Variants in QRICH1 observed in about 807,000 individuals in gnomAD.
QRICH1 encodes the protein transcriptional regulator QRICH1.
In QRICH1, 16 loss-of-function variants were observed where a neutral mutation model predicts 87.1. The observed-to-expected ratio is 0.18, with a 90% CI of 0.12 to 0.28. QRICH1 has a LOEUF of 0.28. QRICH1 is among the 10% of genes least tolerant of loss of function. The pLI, the probability that QRICH1 is intolerant of heterozygous loss-of-function variation, is 1.00. For synonymous variants in QRICH1, 367 were observed against 368.4 expected (o/e 1.00, Z 0.05); for missense variants, 647 against 951.7 (o/e 0.68, Z 4.21).
chr3:49,032,968 C>T, intron 7 of QRICH1, 152 bp downstream of exon 7: 1 of 912,698 alleles, frequency 1.1e-6, no homozygotes, highest in Non-Finnish European at 1.6e-6. Context: ...GTTTGCCTCA[C>T]TGGTTACCAA....
chr3:49,045,265 T>C (rs1241480754), intron 5 of QRICH1, among the ~76,000 whole-genome samples: 2 of 144,912 alleles, frequency 1.4e-5, no homozygotes, highest in Non-Finnish European at 3.0e-5. Context: ...TTGAATAAAT[T>C]ACCTTCATGA....
chr3:49,061,784 G>A (rs2093436517), intron 2 of QRICH1, among the ~76,000 whole-genome samples: 1 of 152,086 alleles, frequency 6.6e-6, no homozygotes, highest in Non-Finnish European at 1.5e-5. Context: ...CCAGGAGGTG[G>A]GGGTTGCAGT....
At chr3:49,091,385 A>G (rs2042272048) in intron 1 of QRICH1, among the ~76,000 whole-genome samples, 1 of 152,080 alleles carries the variant, frequency 6.6e-6, no homozygotes, top group Admixed American at 6.6e-5. Flanking sequence ...AACTAATTAA[A>G]CTAAAAGAAA....
intron 1 of QRICH1, among the ~76,000 whole-genome samples, chr3:49,089,975 C>A (rs983213924): frequency 4.6e-5 from 7 of 152,148 alleles, no homozygotes; most frequent in Admixed American, 3.9e-4. Flanking sequence ...GTACAGAGAT[C>A]GCCTAAATTT....
chr3:49,075,590 C>T (rs1277805941), intron 2 of QRICH1, among the ~76,000 whole-genome samples: 1 of 152,004 alleles, frequency 6.6e-6, no homozygotes, highest in Non-Finnish European at 1.5e-5. Context: ...GAGATGGCTC[C>T]ATTGCATTCT....
chr3:49,059,948 G>A (rs1235845518), intron 2 of QRICH1, among the ~76,000 whole-genome samples: 7 of 150,374 alleles, frequency 4.7e-5, no homozygotes, highest in Non-Finnish European at 1.0e-4. Context: ...GCAGTGGTGC[G>A]ATCTCGGCTC....
chr3:49,075,986 G>A (rs1015293357), intron 2 of QRICH1, among the ~76,000 whole-genome samples: 1 of 152,104 alleles, frequency 6.6e-6, no homozygotes, highest in Non-Finnish European at 1.5e-5. Context: ...GCTCATGCCT[G>A]TAATCCCAGC....
chr3:49,043,651 A>C (rs1391201186), intron 6 of QRICH1, among the ~76,000 whole-genome samples: 3 of 152,104 alleles, frequency 2.0e-5, no homozygotes, highest in African/African-American at 7.2e-5. Flanking sequence ...ATGTGGCAAA[A>C]GCCTGTCTCT....
chr3:49,055,641 G>C (rs1023871848), intron 3 of QRICH1, among the ~76,000 whole-genome samples: 2 of 152,096 alleles, frequency 1.3e-5, no homozygotes, highest in African/African-American at 4.8e-5. Context: ...GGGATTACAG[G>C]CAACTGCCAC....
intron 3 of QRICH1, among the ~76,000 whole-genome samples, chr3:49,048,132 T>C (rs2093349173): frequency 5.6e-5 from 1 of 18,014 alleles, no homozygotes. Flanking sequence ...CTTTCTTTCT[T>C]TTTTTTTTTT....
chr3:49,032,383 C>T (rs569878390), intron 8 of QRICH1, 110 bp from the exon 9 acceptor site: 7 of 479,462 alleles, frequency 1.5e-5, no homozygotes, highest in South Asian at 3.6e-5. Context: ...AATACAGGGT[C>T]GGGGGAGGGA....
intron 6 of QRICH1, among the ~76,000 whole-genome samples, chr3:49,039,075 G>A (rs1205975335): frequency 1.3e-5 from 2 of 151,464 alleles, no homozygotes; most frequent in Admixed American, 6.6e-5. Flanking sequence ...GACATAACCG[G>A]GCCAGGCGCA....
intron 1 of QRICH1, among the ~76,000 whole-genome samples, chr3:49,080,114 C>T (rs970016658): frequency 1.3e-5 from 2 of 152,076 alleles, no homozygotes; most frequent in Non-Finnish European, 1.5e-5. Flanking sequence ...CACATATACC[C>T]TTCTGCTCAA....
chr3:49,079,409 AAAAT>A (rs2042014206), intron 1 of QRICH1, among the ~76,000 whole-genome samples: 1 of 148,914 alleles, frequency 6.7e-6, no homozygotes, highest in South Asian at 2.1e-4. Context: ...TAAATAAAAT[AAAAT>A]AAATAATTAT....
chr3:49,070,992 C>A (rs2093497161), intron 2 of QRICH1, among the ~76,000 whole-genome samples: 1 of 151,994 alleles, frequency 6.6e-6, no homozygotes. Flanking sequence ...GCAACCTCTA[C>A]CTTCCAAGTT....
intron 1 of QRICH1, among the ~76,000 whole-genome samples, chr3:49,088,719 G>A (rs2042218322): frequency 6.7e-6 from 1 of 150,212 alleles, no homozygotes; most frequent in South Asian, 2.1e-4. Context: ...TCACACTCCT[G>A]GGCTCAAACA....
intron 3 of QRICH1, among the ~76,000 whole-genome samples, chr3:49,049,840 C>T (rs2093359978): frequency 6.6e-6 from 1 of 152,036 alleles, no homozygotes; most frequent in Non-Finnish European, 1.5e-5. Flanking sequence ...ATTAAAATTC[C>T]AAGATTTTCC....
rs773073949 is a variant in QRICH1, at chr3:49,030,593, T to C, written c.2190A>G (p.Pro730=). ...AGATTGGGCTGTTGGGGGCCACCACTGGCTCAGGTGTCAGGTAAAAGGTGT... is the reference window on the plus strand; with the variant it reads ...AGATTGGGCTGTTGGGGGCCACCACCGGCTCAGGTGTCAGGTAAAAGGTGT... The part of the protein sequence containing the change: ...RNDTFYLTPE[P]VVAPNSPIWY... The change falls in exon 10 of 10, where the codon CCA becomes CCG. Residue 730 remains proline, a synonymous_variant. Coordinates refer to ENST00000395443, the MANE Select transcript of QRICH1 (RefSeq NM_198880.3). The C allele has an allele frequency of 2.2e-5, 35 of 1,610,602 alleles. No individual in the cohort carries two copies. The South Asian group carries it at 2.5e-4, about 12-fold the overall frequency.
At chr3:49,087,569 TA>T (rs992867251) in intron 1 of QRICH1, among the ~76,000 whole-genome samples, 17 of 149,508 alleles carry the variant, frequency 1.1e-4, no homozygotes, top group African/African-American at 3.4e-4. Context: ...AAAATAAATT[TA>T]AAAAAAATAA....
Sources: allele counts gnomAD v4.1 joint callset (sites outside exome capture counted in the v4.1 genomes callset), GRCh38; gene constraint gnomAD v4.1.1; transcripts MANE v1.5; gene names NCBI Gene and HGNC (gene_info 2026-07-23, HGNC 2026-07-21).